Variants in PLXNA4 observed in about 807,000 individuals in gnomAD.
PLXNA4 encodes the protein plexin-A4.
Under a neutral mutation model 191.8 loss-of-function variants are expected in PLXNA4, and 44 were observed. That is an observed-to-expected ratio of 0.23 (90% confidence interval 0.18 to 0.29). The LOEUF is 0.29. Among genes scored for constraint, PLXNA4 ranks in the 10% least tolerant of loss-of-function variants. PLXNA4 has a pLI of 1.00. For missense variants in PLXNA4, 1,800 were observed against 2,488.8 expected, an observed-to-expected ratio of 0.72 and a Z score of 5.89; for synonymous variants, 1,082 against 1,009.5, an observed-to-expected ratio of 1.07 and a Z score of -1.36.
chr7:132,338,580 T>C (rs1802906283), intron 3 of PLXNA4, among the ~76,000 whole-genome samples: 1 of 152,196 alleles, frequency 6.6e-6, no homozygotes, highest in Non-Finnish European at 1.5e-5. Context: ...TGATTAACAT[T>C]TTCACCCTTC....
At chr7:132,584,056 T>C (rs2116816598) in intron 2 of PLXNA4, among the ~76,000 whole-genome samples, 1 of 152,268 alleles carries the variant, frequency 6.6e-6, no homozygotes, top group Non-Finnish European at 1.5e-5. Context: ...GTTAAACACC[T>C]GCCAGCACAC....
At chr7:132,257,688 A>G (rs1799480413) in intron 4 of PLXNA4, among the ~76,000 whole-genome samples, 1 of 152,210 alleles carries the variant, frequency 6.6e-6, no homozygotes, top group East Asian at 1.9e-4. Context: ...CCTGACCTTC[A>G]CAGGGCTCCC....
intron 30 of PLXNA4, among the ~76,000 whole-genome samples, chr7:132,135,929 C>G (rs1023840273): frequency 6.6e-6 from 1 of 152,138 alleles, no homozygotes; most frequent in Admixed American, 6.5e-5. Context: ...AACTGCATGA[C>G]CTCATCTTCA....
At chr7:132,433,976 G>A (rs1028309090) in intron 3 of PLXNA4, among the ~76,000 whole-genome samples, 1 of 152,198 alleles carries the variant, frequency 6.6e-6, no homozygotes, top group Non-Finnish European at 1.5e-5. Context: ...GGATGAACCA[G>A]TGTCAGCCCA....
At chr7:132,475,851 C>T (rs1797106642) in intron 3 of PLXNA4, among the ~76,000 whole-genome samples, 1 of 152,174 alleles carries the variant, frequency 6.6e-6, no homozygotes, top group Admixed American at 6.5e-5. Flanking sequence ...GGGCAATGGT[C>T]AGGGCATTTG....
intron 3 of PLXNA4, among the ~76,000 whole-genome samples, chr7:132,365,364 T>TGCGTGC (rs144384812): frequency 2.1e-4 from 31 of 147,316 alleles, no homozygotes; most frequent in East Asian, 8.2e-4. Context: ...TGTGTGTGCG[T>TGCGTGC]GCGCGCGCAT....
intron 5 of PLXNA4, among the ~76,000 whole-genome samples, chr7:132,232,734 G>T (rs1009042369): frequency 6.6e-6 from 1 of 152,178 alleles, no homozygotes; most frequent in Non-Finnish European, 1.5e-5. Context: ...AAAATTAGAA[G>T]GGAGAGGAAT....
intron 2 of PLXNA4, among the ~76,000 whole-genome samples, chr7:132,641,425 G>T (rs1585423918): frequency 1.3e-5 from 2 of 152,210 alleles, no homozygotes; most frequent in Middle Eastern, 3.4e-3. Context: ...TGTGTCTCTT[G>T]TTGCAAGGAC....
intron 1 of PLXNA4, among the ~76,000 whole-genome samples, chr7:132,563,754 TCTC>T (rs1353166203): frequency 3.0e-4 from 11 of 36,520 alleles, no homozygotes; most frequent in East Asian, 9.9e-4. Context: ...CCCTCCTCCT[TCTC>T]CTCCTTTTCC....
intron 3 of PLXNA4, among the ~76,000 whole-genome samples, chr7:132,454,572 C>T (rs1796247737): frequency 6.6e-6 from 1 of 152,016 alleles, no homozygotes; most frequent in Admixed American, 6.5e-5. Flanking sequence ...TGCCTTTCCA[C>T]AAATTCATAT....
At chr7:132,563,996 T>TCC (rs1801564901) in intron 1 of PLXNA4, among the ~76,000 whole-genome samples, 2 of 11,092 alleles carry the variant, frequency 1.8e-4, no homozygotes, top group African/African-American at 6.3e-4. Context: ...CTCCTCCTCC[T>TCC]TCTCCTCCTC....
At chr7:132,464,673 T>C (rs74814594) in intron 3 of PLXNA4, among the ~76,000 whole-genome samples, 1,656 of 152,338 alleles carry the variant, frequency 0.011, 38 homozygotes, top group African/African-American at 0.038. Flanking sequence ...GAATCTGTAG[T>C]AGTGATGCAG....
chr7:132,626,417 C>T (rs1227398022), intron 2 of PLXNA4, among the ~76,000 whole-genome samples: 2 of 152,108 alleles, frequency 1.3e-5, no homozygotes, highest in Non-Finnish European at 2.9e-5. Flanking sequence ...AATTGTAATC[C>T]CCAGTATTGG....
At chr7:132,214,433 C>A (rs1265198626) in intron 9 of PLXNA4, among the ~76,000 whole-genome samples, 1 of 152,096 alleles carries the variant, frequency 6.6e-6, no homozygotes, top group African/African-American at 2.4e-5. Flanking sequence ...CTGGGCTGGG[C>A]ACATTTTCCT....
At chr7:132,616,522 G>T (rs1199913055) in intron 2 of PLXNA4, among the ~76,000 whole-genome samples, 2 of 152,066 alleles carry the variant, frequency 1.3e-5, no homozygotes, top group Admixed American at 1.3e-4. Flanking sequence ...TTAATTGCTT[G>T]ACTCATCCAT....
At chr7:132,356,352 T>TTATCATTTTA (rs1803705860) in intron 3 of PLXNA4, among the ~76,000 whole-genome samples, 1 of 152,224 alleles carries the variant, frequency 6.6e-6, no homozygotes, top group Non-Finnish European at 1.5e-5. Context: ...ATGATACCAA[T>TTATCATTTTA]TATAACCACA....
chr7:132,292,315 A>G (rs1356446649), intron 4 of PLXNA4, among the ~76,000 whole-genome samples: 3 of 152,180 alleles, frequency 2.0e-5, no homozygotes, highest in Non-Finnish European at 4.4e-5. Context: ...ATCTCCATCC[A>G]CAAAGAAACT....
At chr7:132,140,876 A>AG (rs1795248512) in intron 29 of PLXNA4, 65 bp from the exon 30 acceptor site, 6 of 1,585,760 alleles carry the variant, frequency 3.8e-6, no homozygotes, top group South Asian at 2.3e-5. Flanking sequence ...TGTGGGTAGG[A>AG]GGGGTCTCTG....
At chr7:132,164,858 G>A (rs561773965) in intron 23 of PLXNA4, among the ~76,000 whole-genome samples, 16 of 152,340 alleles carry the variant, frequency 1.1e-4, no homozygotes, top group African/African-American at 3.8e-4. Context: ...TTCAAAGGAG[G>A]ATTCAGCTTT....
Sources: gnomAD v4.1 joint callset for allele counts (sites outside exome capture counted in the v4.1 genomes callset) on GRCh38, gnomAD v4.1.1 for gene constraint, MANE v1.5 for transcripts, NCBI Gene and HGNC (gene_info 2026-07-23, HGNC 2026-07-21) for gene names.